The following ACER1 variants were observed in gnomAD, a reference collection of about 807,000 sequenced individuals.
ACER1 encodes alkaline ceramidase 1.
Under a neutral mutation model 24.9 loss-of-function variants are expected in ACER1, and 28 were observed. That is an observed-to-expected ratio of 1.13 (90% CI 0.83 to 1.54). ACER1 has a LOEUF of 1.54. Ranked by LOEUF, ACER1 falls within the 40% of genes most tolerant of loss-of-function variation. The pLI is 0.00. For missense variants in ACER1, 352 were observed against 349.3 expected (o/e 1.01, Z -0.06); for synonymous variants, 132 against 131.4 (o/e 1.00, Z -0.03).
At chr19:6,334,735 T>C (rs10422919), upstream of ACER1, among the ~76,000 whole-genome samples, 4,445 of 152,134 alleles carry the variant, frequency 0.029, 220 homozygotes, top group African/African-American at 0.1. Flanking sequence ...ATGGAGACGA[T>C]GGTGACAGAG....
Position 6,314,703 on chromosome 19 carries a change from C to G in ACER1, c.94-2204G>C, listed in dbSNP as rs913513228. Among the ~76,000 whole-genome samples, 4 of 151,948 alleles carry G rather than the reference C, an allele frequency of 2.6e-5. No homozygotes were observed. In the Admixed American group the frequency reaches 2.6e-4, roughly 10 times the overall value. ...TTCAAAGAACTAAAATTAGGACTACCATTTGATCCAGCAATCCCGCTACTG... is the reference window on the plus strand; with the variant it reads ...TTCAAAGAACTAAAATTAGGACTACGATTTGATCCAGCAATCCCGCTACTG... On this transcript the variant is annotated intron_variant, in intron 1 of 5. Transcript: ENST00000301452.
intron 1 of ACER1, among the ~76,000 whole-genome samples, chr19:6,326,423 G>T (rs1451120122): frequency 6.6e-6 from 1 of 151,810 alleles, no homozygotes; most frequent in Non-Finnish European, 1.5e-5. Flanking sequence ...ACTGCGCCCG[G>T]CCTATTTTTT....
intron 3 of ACER1, among the ~76,000 whole-genome samples, chr19:6,311,387 C>G (rs1422654908): frequency 6.6e-6 from 1 of 151,452 alleles, no homozygotes; most frequent in East Asian, 1.9e-4. Flanking sequence ...ACTAAAAATA[C>G]AAAAATTAGC....
upstream of ACER1, among the ~76,000 whole-genome samples, chr19:6,334,811 A>G (rs1370200310): frequency 6.6e-6 from 1 of 151,564 alleles, no homozygotes; most frequent in African/African-American, 2.4e-5. Flanking sequence ...CCTATGCTAG[A>G]GTAGGCACTT....
At position 6,333,461 on chromosome 19, in the gene ACER1, T is replaced by A. The variant is rs2145022260; in HGVS notation, c.91A>T (p.Thr31Ser). Reference protein sequence around the residue: ...YSELVAEFYNTFSNIPFFIFG... With the variant: ...YSELVAEFYNSFSNIPFFIFG... ...CCTTCACACACCCACGCACTCACCG[T>A]GTTGTAGAACTCGGCCACCAGCTCC... The change falls in exon 1 of 6, where the codon ACG (threonine) becomes TCG (serine). Residue 31 changes from threonine (T) to serine (S), a missense_variant and splice_region_variant. Coordinates refer to ENST00000301452, the MANE Select transcript of ACER1 (RefSeq NM_133492.3). The A allele has an allele frequency of 6.3e-7, 1 of 1,587,624 alleles. No individual in the cohort carries two copies. The highest frequency in any genetic ancestry group is 8.6e-7 in the Non-Finnish European group (1 of 1,166,022).
chr19:6,344,758 TTTG>T, the ACER1 span, among the ~76,000 whole-genome samples: 1 of 152,022 alleles, frequency 6.6e-6, no homozygotes. Flanking sequence ...GTTGGATTAT[TTTG>T]TTGTTTTTTT....
At chr19:6,353,080 C>A in the ACER1 span, among the ~76,000 whole-genome samples, 5 of 152,002 alleles carry the variant, frequency 3.3e-5, no homozygotes, top group African/African-American at 1.2e-4. Flanking sequence ...AATCCCAGCA[C>A]CAAGAGGCCG....
chr19:6,319,289 G>A (rs375625584), intron 1 of ACER1, among the ~76,000 whole-genome samples: 39 of 152,192 alleles, frequency 2.6e-4, no homozygotes, highest in African/African-American at 8.4e-4. Flanking sequence ...CGATAACATC[G>A]GAAACTGCCT....
chr19:6,358,307 T>C, the ACER1 span, among the ~76,000 whole-genome samples: 1 of 152,114 alleles, frequency 6.6e-6, no homozygotes, highest in Non-Finnish European at 1.5e-5. Flanking sequence ...CATGTGGGCT[T>C]TCTGCTTTGC....
chr19:6,321,116 A>G (rs1286051934), intron 1 of ACER1, among the ~76,000 whole-genome samples: 1 of 151,794 alleles, frequency 6.6e-6, no homozygotes, highest in Non-Finnish European at 1.5e-5. Flanking sequence ...CCATCACACT[A>G]GCTAATTCCA....
chr19:6,312,312 G>A, intron 2 of ACER1, 22 bp from the exon 3 acceptor site: 14 of 1,613,824 alleles, frequency 8.7e-6, no homozygotes, highest in Non-Finnish European at 1.2e-5. Flanking sequence ...AGGGCAGGCG[G>A]TCAGTGGGGT....
intron 3 of ACER1, 55 bp downstream of exon 3, chr19:6,312,092 TAG>T: frequency 6.3e-7 from 1 of 1,585,536 alleles, no homozygotes; most frequent in East Asian, 2.3e-5. Flanking sequence ...TGAGCTCATG[TAG>T]AGTCAACTGA....
intron 1 of ACER1, among the ~76,000 whole-genome samples, chr19:6,331,243 G>A (rs1476540435): frequency 2.1e-5 from 3 of 145,886 alleles, no homozygotes; most frequent in Admixed American, 6.8e-5. Context: ...TCTGCCTCCC[G>A]GGTTCAAGTG....
chr19:6,346,168 C>G, the ACER1 span, among the ~76,000 whole-genome samples: 1 of 152,070 alleles, frequency 6.6e-6, no homozygotes, highest in African/African-American at 2.4e-5. Flanking sequence ...CCAAATATTG[C>G]ATATGATCGG....
chr19:6,314,865 A>C (rs2091595625), intron 1 of ACER1, among the ~76,000 whole-genome samples: 1 of 147,796 alleles, frequency 6.8e-6, no homozygotes, highest in South Asian at 2.1e-4. Context: ...ATATATACAC[A>C]ATGGAATTTT....
intron 3 of ACER1, among the ~76,000 whole-genome samples, chr19:6,311,572 G>A (rs1263020859): frequency 1.3e-5 from 2 of 149,846 alleles, no homozygotes; most frequent in African/African-American, 2.5e-5. Flanking sequence ...AGGAGGAGGA[G>A]GAAGAAAAAG....
upstream of ACER1, among the ~76,000 whole-genome samples, chr19:6,335,351 A>G (rs1489490175): frequency 2.0e-5 from 3 of 150,408 alleles, no homozygotes; most frequent in Admixed American, 6.7e-5. Flanking sequence ...CAGCCTCCTG[A>G]GTAACTGGGA....
At chr19:6,332,666 G>C (rs2091693943) in intron 1 of ACER1, among the ~76,000 whole-genome samples, 1 of 151,550 alleles carries the variant, frequency 6.6e-6, no homozygotes, top group Non-Finnish European at 1.5e-5. Flanking sequence ...TTCTCAGGAG[G>C]TGGGACTTTT....
chr19:6,346,681 T>C, the ACER1 span, among the ~76,000 whole-genome samples: 1 of 151,838 alleles, frequency 6.6e-6, no homozygotes, highest in African/African-American at 2.4e-5. Context: ...CCTTGGCTTC[T>C]AGATGGCTGT....
Sources: allele counts gnomAD v4.1 joint callset (sites outside exome capture counted in the v4.1 genomes callset), GRCh38; gene constraint gnomAD v4.1.1; transcripts MANE v1.5; gene names NCBI Gene and HGNC (gene_info 2026-07-23, HGNC 2026-07-21).